SQOR: variants seen among roughly 807,000 people sequenced by gnomAD.
The protein encoded by SQOR is sulfide:quinone oxidoreductase, mitochondrial.
Under a neutral mutation model 48.6 loss-of-function variants are expected in SQOR, and 39 were observed. That is an observed-to-expected ratio of 0.80 (90% CI 0.62 to 1.05). The LOEUF (loss-of-function observed/expected upper bound fraction) is 1.05. SQOR is among the 50% of genes least tolerant of loss of function. The probability of loss-of-function intolerance (pLI) is 0.00; values close to 1 mark genes in which losing one functional copy is unlikely to be tolerated. For missense variants in SQOR, 561 were observed against 559.9 expected (o/e 1.00, Z -0.02); for synonymous variants, 220 against 206.2 (o/e 1.07, Z -0.57).
Position 45,659,158 on chromosome 15 carries a change from G to A in SQOR, c.234+1G>A. The A allele has an allele frequency of 6.6e-7, 1 of 1,517,430 alleles. No individual in the cohort carries two copies. Among genetic ancestry groups the A allele is most frequent in the Non-Finnish European group, 8.9e-7 (1 of 1,124,998 alleles). The allele number at this position is 1,517,430 out of a possible 1,614,324, so 94.0% of individuals were successfully genotyped here. A position where few individuals can be genotyped will look rare whatever the true frequency, so the allele number is the denominator to read the frequency against. On this transcript the variant is annotated splice_donor_variant, in intron 2 of 9. Coordinates refer to ENST00000260324, the MANE Select transcript of SQOR (RefSeq NM_021199.4). LOFTEE classifies it high-confidence loss of function. ...TGTGGCCATTGTTGAGCCCAGTGAG[G>A]TAAGCCTCCCCTTTTGAGGGCCTGG...
At chr15:45,661,297 A>G (rs1280771389) in intron 2 of SQOR, among the ~76,000 whole-genome samples, 1 of 147,052 alleles carries the variant, frequency 6.8e-6, no homozygotes. Flanking sequence ...TCTTAAAAAA[A>G]AAAAAAAAAA....
At chr15:45,661,898 T>C in intron 2 of SQOR, 57 bp from the exon 3 acceptor site, 1 of 1,540,950 alleles carries the variant, frequency 6.5e-7, no homozygotes, top group Non-Finnish European at 8.8e-7. Flanking sequence ...CTGTTAGCTA[T>C]GACCCCTTTT....
chr15:45,645,385 A>T (rs1411181098), intron 1 of SQOR, among the ~76,000 whole-genome samples: 1 of 152,166 alleles, frequency 6.6e-6, no homozygotes, highest in Non-Finnish European at 1.5e-5. Context: ...TGACTGGACT[A>T]TGGGGTGCCT....
intron 7 of SQOR, among the ~76,000 whole-genome samples, chr15:45,683,892 TTTTGTTTG>T (rs147802488): frequency 5.2e-4 from 78 of 149,622 alleles, no homozygotes; most frequent in Admixed American, 1.1e-3. Flanking sequence ...ATATATATAT[TTTTGTTTG>T]TTTGTTTGTT....
intron 5 of SQOR, 77 bp downstream of exon 5, chr15:45,673,878 C>G: frequency 7.0e-7 from 1 of 1,429,702 alleles, no homozygotes; most frequent in Non-Finnish European, 9.7e-7. Context: ...TCCATTTTAT[C>G]TCTATTGTAA....
chr15:45,686,273 T>A (rs1375706534), intron 7 of SQOR, among the ~76,000 whole-genome samples: 1 of 152,118 alleles, frequency 6.6e-6, no homozygotes, highest in Non-Finnish European at 1.5e-5. Flanking sequence ...TGTCTTAGCC[T>A]CCTGAGTAGC....
chr15:45,644,723 A>C (rs987479112), intron 1 of SQOR, among the ~76,000 whole-genome samples: 2 of 152,142 alleles, frequency 1.3e-5, no homozygotes, highest in Admixed American at 1.3e-4. Flanking sequence ...GAGGCAGGGG[A>C]AAGGGCTGGC....
At chr15:45,648,468 A>G (rs932977285) in intron 1 of SQOR, among the ~76,000 whole-genome samples, 2 of 152,196 alleles carry the variant, frequency 1.3e-5, no homozygotes, top group East Asian at 1.9e-4. Flanking sequence ...GAGCCACCAC[A>G]CCCAGCCAGA....
chr15:45,659,595 T>A (rs1186177254), intron 2 of SQOR, among the ~76,000 whole-genome samples: 1 of 152,178 alleles, frequency 6.6e-6, no homozygotes, highest in Non-Finnish European at 1.5e-5. Context: ...CCTGAAATCC[T>A]TGCCACTCTC....
intron 6 of SQOR, among the ~76,000 whole-genome samples, chr15:45,677,462 G>A (rs879846063): frequency 1.3e-5 from 2 of 152,172 alleles, no homozygotes; most frequent in Non-Finnish European, 2.9e-5. Flanking sequence ...AACTGTGTTT[G>A]TAGCATTTTT....
intron 1 of SQOR, among the ~76,000 whole-genome samples, chr15:45,644,344 C>G (rs1180985321): frequency 6.6e-6 from 1 of 152,186 alleles, no homozygotes; most frequent in Admixed American, 6.5e-5. Flanking sequence ...CCTCGGCCTT[C>G]TAAAGTGCTG....
chr15:45,688,979 T>C, intron 8 of SQOR, 60 bp from the exon 9 acceptor site: 1 of 1,402,276 alleles, frequency 7.1e-7, no homozygotes, highest in Middle Eastern at 1.9e-4. Context: ...AATTCTATAG[T>C]GTTAATATAG....
intron 6 of SQOR, 29 bp from the exon 7 acceptor site, chr15:45,682,449 G>A (rs1373710642): frequency 1.9e-6 from 3 of 1,611,748 alleles, no homozygotes; most frequent in Non-Finnish European, 2.5e-6. Flanking sequence ...TTGAATAAAT[G>A]AAAATGTGGA....
intron 2 of SQOR, among the ~76,000 whole-genome samples, chr15:45,661,290 T>A (rs7162433): frequency 0.57 from 37,695 of 66,350 alleles, 9,863 homozygotes; most frequent in Non-Finnish European, 0.6. Context: ...GACTCTGTCT[T>A]AAAAAAAAAA....
intron 4 of SQOR, among the ~76,000 whole-genome samples, chr15:45,671,029 A>G (rs1369695609): frequency 3.9e-5 from 6 of 152,206 alleles, no homozygotes; most frequent in Non-Finnish European, 8.8e-5. Flanking sequence ...GTCATGTGAG[A>G]AGCACTGCAG....
intron 6 of SQOR, among the ~76,000 whole-genome samples, chr15:45,681,754 A>G (rs1432039455): frequency 1.3e-5 from 2 of 152,166 alleles, no homozygotes; most frequent in African/African-American, 2.4e-5. Context: ...ATAAACAAAA[A>G]AATTAAATGA....
At chr15:45,671,595 C>G (rs11853733) in intron 4 of SQOR, among the ~76,000 whole-genome samples, 52,971 of 152,064 alleles carry the variant, frequency 0.35, 10,030 homozygotes, top group East Asian at 0.67. Flanking sequence ...ATTGCAATTT[C>G]AAGGAAACTA....
intron 7 of SQOR, among the ~76,000 whole-genome samples, chr15:45,688,050 C>T (rs899823212): frequency 1.3e-5 from 2 of 152,148 alleles, no homozygotes; most frequent in Non-Finnish European, 2.9e-5. Flanking sequence ...CAGCCTCAAC[C>T]CCAAGAGGAG....
chr15:45,670,005 G>A (rs1889910278), intron 4 of SQOR, 24 bp downstream of exon 4: 3 of 1,611,518 alleles, frequency 1.9e-6, no homozygotes, highest in Admixed American at 1.7e-5. Context: ...CTGTTTCTGT[G>A]TTACGCTGGC....
Sources: gnomAD v4.1 joint callset for allele counts (sites outside exome capture counted in the v4.1 genomes callset) on GRCh38, gnomAD v4.1.1 for gene constraint, MANE v1.5 for transcripts, NCBI Gene and HGNC (gene_info 2026-07-23, HGNC 2026-07-21) for gene names.